Variants in R3HCC1L observed in about 807,000 individuals in gnomAD.
The protein encoded by R3HCC1L is coiled-coil domain-containing protein R3HCC1L.
A neutral mutation model predicts 59.9 loss-of-function variants in R3HCC1L; 51 were observed. That is an observed-to-expected ratio of 0.85 (90% CI 0.68 to 1.07). R3HCC1L has a LOEUF of 1.07. R3HCC1L is among the 50% of genes least tolerant of loss of function. The pLI, the probability that R3HCC1L is intolerant of heterozygous loss-of-function variation, is 0.00. For synonymous variants in R3HCC1L, 322 were observed against 315.2 expected, an observed-to-expected ratio of 1.02 and a Z score of -0.23; for missense variants, 965 against 933.0, an observed-to-expected ratio of 1.03 and a Z score of -0.45.
intron 4 of R3HCC1L, among the ~76,000 whole-genome samples, chr10:98,191,102 C>T (rs1285431982): frequency 3.9e-5 from 6 of 152,018 alleles, no homozygotes; most frequent in Non-Finnish European, 5.9e-5. Flanking sequence ...TGAATAGTGC[C>T]GCATTAAACA....
At chr10:98,223,217 C>T (rs1398002900) in intron 5 of R3HCC1L, among the ~76,000 whole-genome samples, 4 of 152,156 alleles carry the variant, frequency 2.6e-5, no homozygotes, top group African/African-American at 9.7e-5. Flanking sequence ...GATACCAAAG[C>T]CACGCAGAGA....
At chr10:98,141,761 T>A (rs1455646873) in intron 1 of R3HCC1L, among the ~76,000 whole-genome samples, 1 of 152,156 alleles carries the variant, frequency 6.6e-6, no homozygotes, top group Admixed American at 6.5e-5. Flanking sequence ...GTGGTGGCTG[T>A]TTTCTAAGAG....
intron 4 of R3HCC1L, among the ~76,000 whole-genome samples, chr10:98,168,735 G>A (rs746902037): frequency 4.6e-5 from 7 of 151,860 alleles, no homozygotes; most frequent in Non-Finnish European, 8.8e-5. Context: ...ATCTGCAGTT[G>A]GTATTTGATG....
At chr10:98,173,957 A>C (rs550951204) in intron 4 of R3HCC1L, among the ~76,000 whole-genome samples, 1 of 152,240 alleles carries the variant, frequency 6.6e-6, no homozygotes, top group African/African-American at 2.4e-5. Context: ...GCTTTTTAAG[A>C]AATCTGATAG....
chr10:98,154,506 C>G (rs1400395467), intron 1 of R3HCC1L, among the ~76,000 whole-genome samples: 1 of 152,158 alleles, frequency 6.6e-6, no homozygotes, highest in Non-Finnish European at 1.5e-5. Context: ...TGTTGACACT[C>G]AGAACATTTT....
chr10:98,195,977 A>G (rs1157818020), intron 4 of R3HCC1L, among the ~76,000 whole-genome samples: 2 of 152,188 alleles, frequency 1.3e-5, no homozygotes, highest in Non-Finnish European at 2.9e-5. Context: ...GAACTTTGCT[A>G]AGTCAAGAAT....
intron 9 of R3HCC1L, among the ~76,000 whole-genome samples, chr10:98,239,122 G>A (rs1394188262): frequency 6.6e-6 from 1 of 152,128 alleles, no homozygotes; most frequent in African/African-American, 2.4e-5. Flanking sequence ...ACCTAATCAT[G>A]GAGAATTTTT....
chr10:98,211,467 A>G (rs72826282), intron 5 of R3HCC1L: 150,534 of 1,273,166 alleles, frequency 0.12, 9,412 homozygotes, highest in East Asian at 0.19. Flanking sequence ...AAGAAATAAT[A>G]ATAAGGTGGG....
At position 98,231,428 on chromosome 10, in the gene R3HCC1L, A is replaced by C. The variant is rs1173401105; in HGVS notation, c.1786-84A>C. 5.6e-6 allele frequency: 7 copies of C among 1,250,142 alleles called. No homozygotes were observed. The Admixed American group carries it at 1.6e-4, about 29-fold the overall frequency. 77.4% of individuals were successfully genotyped at this position (1,250,142 alleles called of 1,614,324 possible). ...GGAATGGGAACATGTAGAGAAAGGG[A>C]GGAGGATTGTTTATATATAGGAATA... is the stretch of plus-strand genomic sequence containing the variant. On this transcript the variant is annotated intron_variant, in intron 5 of 9. Transcript: ENST00000298999.
intron 1 of R3HCC1L, among the ~76,000 whole-genome samples, chr10:98,144,996 A>T (rs563011802): frequency 6.6e-6 from 1 of 152,348 alleles, no homozygotes; most frequent in South Asian, 2.1e-4. Context: ...CCACAAATAG[A>T]ATGATTTTTA....
intron 2 of R3HCC1L, among the ~76,000 whole-genome samples, chr10:98,162,641 A>G (rs1307168730): frequency 6.6e-6 from 1 of 151,964 alleles, no homozygotes; most frequent in African/African-American, 2.4e-5. Flanking sequence ...AGTGATGACT[A>G]GAAGTTGAAC....
At chr10:98,135,931 A>AT (rs543542570) in intron 1 of R3HCC1L, among the ~76,000 whole-genome samples, 4 of 151,638 alleles carry the variant, frequency 2.6e-5, no homozygotes, top group South Asian at 2.1e-4. Context: ...CATCTGTTTA[A>AT]TTTTTTTTGA....
At chr10:98,173,444 T>A (rs1328436458) in intron 4 of R3HCC1L, among the ~76,000 whole-genome samples, 1 of 152,200 alleles carries the variant, frequency 6.6e-6, no homozygotes, top group African/African-American at 2.4e-5. Context: ...AGAGGGAGCC[T>A]AATGTACCGG....
chr10:98,209,014 A>G lies in R3HCC1L; in HGVS notation c.900A>G (p.Leu300=). 1 of 1,613,926 alleles carries G rather than the reference A, an allele frequency of 6.2e-7. No individual in the cohort carries two copies. Among genetic ancestry groups the G allele is most frequent in the Non-Finnish European group, 8.5e-7 (1 of 1,179,828 alleles). Residue 300 remains leucine, a synonymous_variant, in exon 5 of 10, where the codon TTA becomes TTG. Coordinates refer to ENST00000298999, the MANE Select transcript of R3HCC1L (RefSeq NM_001351015.2). ...TAGCCAATAGTACAGGTTTCATCTT[A>G]GATCAAAAAGATACAGATTCCATTC... is the stretch of plus-strand genomic sequence containing the variant. The part of the protein sequence containing the change: ...GGIANSTGFI[L]DQKDTDSIPA...
chr10:98,205,687 A>G (rs897477108), intron 4 of R3HCC1L, among the ~76,000 whole-genome samples: 3 of 152,214 alleles, frequency 2.0e-5, no homozygotes, highest in Non-Finnish European at 4.4e-5. Flanking sequence ...TAAATTTATT[A>G]TACTGATTTT....
chr10:98,174,610 G>A, intron 4 of R3HCC1L: 1 of 985,246 alleles, frequency 1.0e-6, no homozygotes, highest in Non-Finnish European at 1.2e-6. Flanking sequence ...ACTCATTTAG[G>A]AGGGCGTTAG....
chr10:98,175,436 C>G (rs1848913667), intron 4 of R3HCC1L, among the ~76,000 whole-genome samples: 2 of 152,144 alleles, frequency 1.3e-5, no homozygotes, highest in South Asian at 4.1e-4. Flanking sequence ...GCAGTTCCAT[C>G]CATCCAAAAA....
intron 4 of R3HCC1L, chr10:98,174,657 G>GC: frequency 1.0e-6 from 1 of 985,250 alleles, no homozygotes; most frequent in Non-Finnish European, 1.2e-6. Context: ...GTTGGAAGGA[G>GC]CAGACAATGA....
At chr10:98,180,334 A>G (rs375504462) in intron 4 of R3HCC1L, among the ~76,000 whole-genome samples, 35 of 152,198 alleles carry the variant, frequency 2.3e-4, no homozygotes, top group East Asian at 1.5e-3. Flanking sequence ...GTCATTCAGG[A>G]GCAGGTTGTT....
Sources: gnomAD v4.1 joint callset for allele counts (sites outside exome capture counted in the v4.1 genomes callset) on GRCh38, gnomAD v4.1.1 for gene constraint, MANE v1.5 for transcripts, NCBI Gene and HGNC (gene_info 2026-07-23, HGNC 2026-07-21) for gene names.